Variants in EEIG1 observed in about 807,000 individuals in gnomAD.
The protein encoded by EEIG1 is estrogen-induced osteoclastogenesis regulator 1, also known as early estrogen-induced gene 1 protein.
chr9:127,949,000 C>G, the EEIG1 span, among the ~76,000 whole-genome samples: 1 of 152,186 alleles, frequency 6.6e-6, no homozygotes, highest in Non-Finnish European at 1.5e-5. Context: ...GACGTCACCA[C>G]TTATGAAAGG....
At chr9:127,950,302 T>C in the EEIG1 span, 28 of 976,510 alleles carry the variant, frequency 2.9e-5, no homozygotes, top group Non-Finnish European at 3.7e-5. Context: ...CCCTTCCCGA[T>C]GTCTACCTAT....
chr9:127,945,369 G>A, the EEIG1 span: 1 of 1,583,398 alleles, frequency 6.3e-7, no homozygotes, highest in Non-Finnish European at 8.6e-7. This position sits in a 1 kb window ranked among gnomAD's most constrained non-coding sequence, Gnocchi z 6.5. Context: ...GGCCTCACCT[G>A]AAAGAGCGAT....
chr9:127,944,506 C>T, the EEIG1 span: 1 of 778,280 alleles, frequency 1.3e-6, no homozygotes, highest in Non-Finnish European at 2.2e-6. Flanking sequence ...CAGGGTCACA[C>T]TGTGGCGACA....
chr9:127,943,493 C>A, the EEIG1 span: 20 of 529,918 alleles, frequency 3.8e-5, no homozygotes, highest in South Asian at 4.3e-4. Flanking sequence ...ACGGTCACCT[C>A]GGCAGGGAGT....
chr9:127,979,667 TGAAC>T, the EEIG1 span, among the ~76,000 whole-genome samples: 1 of 152,234 alleles, frequency 6.6e-6, no homozygotes, highest in Non-Finnish European at 1.5e-5. Flanking sequence ...CAAGGTGGCC[TGAAC>T]ACCCCTCCCC....
At chr9:127,970,250 G>C in the EEIG1 span, among the ~76,000 whole-genome samples, 1 of 152,118 alleles carries the variant, frequency 6.6e-6, no homozygotes, top group Admixed American at 6.5e-5. Flanking sequence ...CTGAGTAGCT[G>C]GGATTACAGG....
the EEIG1 span, among the ~76,000 whole-genome samples, chr9:127,969,681 G>A: frequency 6.6e-6 from 1 of 152,130 alleles, no homozygotes; most frequent in African/African-American, 2.4e-5. Context: ...GCAAGAGGCA[G>A]AAGGAAAATC....
the EEIG1 span, among the ~76,000 whole-genome samples, chr9:127,959,697 TGAA>T: frequency 5.3e-5 from 8 of 152,338 alleles, no homozygotes; most frequent in South Asian, 1.7e-3. Context: ...TGCTGCCATG[TGAA>T]GAAGGTCCTC....
the EEIG1 span, chr9:127,945,023 G>A: frequency 1.7e-6 from 2 of 1,153,594 alleles, no homozygotes; most frequent in Non-Finnish European, 2.4e-6. This position sits in a 1 kb window ranked among gnomAD's most constrained non-coding sequence, Gnocchi z 6.5. Flanking sequence ...GCTCCGTGCT[G>A]TACTTCACTG....
the EEIG1 span, chr9:127,944,816 C>G: frequency 1.2e-6 from 2 of 1,612,140 alleles, no homozygotes; most frequent in Non-Finnish European, 1.7e-6. Flanking sequence ...TGGCTCTGCA[C>G]GATCTTCTCC....
At chr9:127,944,731 C>A in the EEIG1 span, 1 of 1,611,576 alleles carries the variant, frequency 6.2e-7, no homozygotes, top group Non-Finnish European at 8.5e-7. Context: ...GCAGGGCCAG[C>A]CCTTGGAGCA....
At chr9:127,950,781 C>T in the EEIG1 span, 1 of 1,167,316 alleles carries the variant, frequency 8.6e-7, no homozygotes, top group Non-Finnish European at 1.1e-6. Context: ...CCCTTTGTGC[C>T]ACGTCCCGGC....
At chr9:127,966,469 G>A in the EEIG1 span, among the ~76,000 whole-genome samples, 1 of 150,632 alleles carries the variant, frequency 6.6e-6, no homozygotes, top group Non-Finnish European at 1.5e-5. Context: ...AGCCCATGCA[G>A]GCAGGTGTGG....
chr9:127,965,135 A>C, the EEIG1 span, among the ~76,000 whole-genome samples: 1 of 147,468 alleles, frequency 6.8e-6, no homozygotes, highest in Non-Finnish European at 1.5e-5. Context: ...AAAAAAAAAA[A>C]AAAAAAAAAA....
chr9:127,980,063 G>C, the EEIG1 span: 5 of 1,613,900 alleles, frequency 3.1e-6, no homozygotes, highest in Non-Finnish European at 3.4e-6. Context: ...CGTTCACGAA[G>C]GGAACCGCAG....
chr9:127,950,487 A>C, the EEIG1 span: 2 of 1,614,036 alleles, frequency 1.2e-6, no homozygotes, highest in Non-Finnish European at 1.7e-6. Context: ...GCAGCAGCGC[A>C]CCGTGGAGCC....
the EEIG1 span, chr9:127,947,946 C>G: frequency 1.8e-6 from 2 of 1,098,634 alleles, no homozygotes; most frequent in Non-Finnish European, 2.6e-6. Context: ...CCAGCAGGAG[C>G]ATGCAAACAC....
chr9:127,979,152 G>A, the EEIG1 span, among the ~76,000 whole-genome samples: 2 of 152,198 alleles, frequency 1.3e-5, no homozygotes, highest in Admixed American at 1.3e-4. Context: ...CATCCAGCCT[G>A]CCCTAAGTTC....
the EEIG1 span, among the ~76,000 whole-genome samples, chr9:127,971,530 G>A: frequency 7.4e-6 from 1 of 134,330 alleles, no homozygotes; most frequent in African/African-American, 2.8e-5. Context: ...CCTCGGGCCT[G>A]AAGAGGGAAT....
Sources: gnomAD v4.1 joint callset for allele counts (sites outside exome capture counted in the v4.1 genomes callset) on GRCh38, gnomAD v4.1.1 for gene constraint, Gnocchi (gnomAD v3.1) non-coding constraint, MANE v1.5 for transcripts, NCBI Gene and HGNC (gene_info 2026-07-23, HGNC 2026-07-21) for gene names.